The following KCNMA1 variants were observed in gnomAD, a reference collection of about 807,000 sequenced individuals.
KCNMA1 encodes the protein Calcium-activated potassium channel subunit alpha-1.
Under a neutral mutation model 140.0 loss-of-function variants are expected in KCNMA1, and 29 were observed. The ratio of observed to expected loss-of-function variants is 0.21; its 90% CI spans 0.15 to 0.28. The LOEUF is 0.28. KCNMA1 is among the 10% of genes least tolerant of loss of function. The probability of loss-of-function intolerance (pLI) is 1.00; values close to 1 mark genes in which losing one functional copy is unlikely to be tolerated. For missense variants in KCNMA1, 880 were observed against 1,602.2 expected (o/e 0.55, Z 7.70); for synonymous variants, 612 against 611.9 (o/e 1.00, Z 0.00).
In KCNMA1 at chr10:77,614,628, T is replaced by C. The variant is rs534846580; in HGVS notation, c.378+22637A>G. Among the ~76,000 whole-genome samples the C allele has an allele frequency of 1.2e-4, 18 of 152,242 alleles. No individual in the cohort carries two copies. The South Asian group carries it at 3.3e-3, about 28-fold the overall frequency. On this transcript the variant is annotated intron_variant, in intron 1 of 27. Transcript: ENST00000286628. ...GTGCTAGGTGGAACTTTCTCTGTGG[T>C]CTTCACCCTACATGTAATGGAAACT... is the stretch of plus-strand genomic sequence containing the variant.
intron 2 of KCNMA1, among the ~76,000 whole-genome samples, chr10:77,269,146 T>C (rs1040193228): frequency 6.6e-6 from 1 of 152,208 alleles, no homozygotes; most frequent in African/African-American, 2.4e-5. Flanking sequence ...CCCCGAAAAG[T>C]ATTCTCTATC....
intron 25 of KCNMA1, among the ~76,000 whole-genome samples, chr10:76,899,697 T>C (rs143995924): frequency 7.8e-4 from 118 of 152,232 alleles, no homozygotes; most frequent in Non-Finnish European, 1.3e-3. Flanking sequence ...AAGGAAAGCA[T>C]TGCATACCAC....
intron 19 of KCNMA1, among the ~76,000 whole-genome samples, chr10:76,974,823 T>G (rs1334997381): frequency 6.6e-6 from 1 of 152,184 alleles, no homozygotes; most frequent in Non-Finnish European, 1.5e-5. Context: ...CTTCTTGGTA[T>G]AATTTCCAAA....
At chr10:76,872,456 T>C (rs1397742307), downstream of KCNMA1, 1 of 152,258 alleles carries the variant, frequency 6.6e-6, no homozygotes, top group Non-Finnish European at 1.5e-5. Flanking sequence ...CCCATCACTC[T>C]TTGCTTAAAA....
intron 19 of KCNMA1, chr10:76,995,437 T>A: frequency 2.5e-6 from 1 of 393,106 alleles, no homozygotes; most frequent in Middle Eastern, 4.0e-4. Flanking sequence ...GACTTGACAT[T>A]TGCTCCAAGC....
intron 1 of KCNMA1, among the ~76,000 whole-genome samples, chr10:77,513,805 G>A (rs2154548966): frequency 6.6e-6 from 1 of 152,368 alleles, no homozygotes; most frequent in Non-Finnish European, 1.5e-5. Flanking sequence ...ACAGGCAGCA[G>A]CAGTTTTCCT....
intron 3 of KCNMA1, among the ~76,000 whole-genome samples, chr10:77,217,020 C>G (rs990349388): frequency 3.3e-5 from 5 of 152,066 alleles, no homozygotes; most frequent in Admixed American, 6.6e-5. Context: ...AATTTTTGGC[C>G]AGGTGCAATC....
intron 2 of KCNMA1, among the ~76,000 whole-genome samples, chr10:77,322,952 G>T (rs2082788438): frequency 6.6e-6 from 1 of 152,154 alleles, no homozygotes; most frequent in Non-Finnish European, 1.5e-5. Context: ...CATTTTGAAA[G>T]AATTTACCCC....
At chr10:77,311,392 C>T (rs2079243109) in intron 2 of KCNMA1, among the ~76,000 whole-genome samples, 1 of 152,052 alleles carries the variant, frequency 6.6e-6, no homozygotes, top group Non-Finnish European at 1.5e-5. Flanking sequence ...ACAGATGCTC[C>T]CTCCTCCCTG....
At chr10:77,279,886 T>C (rs1203557292) in intron 2 of KCNMA1, among the ~76,000 whole-genome samples, 3 of 152,242 alleles carry the variant, frequency 2.0e-5, no homozygotes, top group African/African-American at 7.2e-5. Flanking sequence ...CTGTCATGAT[T>C]GTGAGGCCTC....
At chr10:77,014,168 C>T (rs1350313081) in intron 17 of KCNMA1, among the ~76,000 whole-genome samples, 2 of 152,132 alleles carry the variant, frequency 1.3e-5, no homozygotes, top group Admixed American at 1.3e-4. Context: ...GCGGCTGACG[C>T]CTGTAATCCA....
chr10:77,086,473 C>T lies in KCNMA1; in HGVS notation c.1440+15G>A. 6.3e-7 allele frequency: 1 copy of T among 1,576,728 alleles called. No individual in the cohort carries two copies. The highest frequency in any genetic ancestry group is 8.7e-7 in the Non-Finnish European group (1 of 1,145,770). ...CAAGATGGAATAAAAGCAGAAGTCA[C>T]CTCTTCCTCCTTACCTTGACTCTTG... On this transcript the variant is annotated intron_variant, in intron 11 of 27. Coordinates refer to ENST00000286628, the MANE Select transcript of KCNMA1 (RefSeq NM_001161352.2).
chr10:77,331,858 C>T (rs2086563928), intron 2 of KCNMA1, among the ~76,000 whole-genome samples: 1 of 152,060 alleles, frequency 6.6e-6, no homozygotes, highest in African/African-American at 2.4e-5. Context: ...TGTCCCCTGT[C>T]CCAAATTGCC....
intron 1 of KCNMA1, among the ~76,000 whole-genome samples, chr10:77,481,512 C>T (rs905811400): frequency 1.3e-5 from 2 of 151,764 alleles, no homozygotes; most frequent in African/African-American, 2.4e-5. Flanking sequence ...CGATGGCTCA[C>T]GCCTATAATC....
chr10:77,254,521 C>A (rs1478008143), intron 2 of KCNMA1, among the ~76,000 whole-genome samples: 1 of 152,118 alleles, frequency 6.6e-6, no homozygotes, highest in Non-Finnish European at 1.5e-5. Flanking sequence ...CTGCACCTGG[C>A]AAAATATACT....
intron 23 of KCNMA1, among the ~76,000 whole-genome samples, chr10:76,933,594 C>T (rs143186816): frequency 6.6e-6 from 1 of 152,146 alleles, no homozygotes; most frequent in Admixed American, 6.5e-5. Context: ...CTGTCGGAAC[C>T]TTTATTTATA....
intron 1 of KCNMA1, among the ~76,000 whole-genome samples, chr10:77,551,661 T>C (rs2062879710): frequency 6.6e-6 from 1 of 152,162 alleles, no homozygotes; most frequent in African/African-American, 2.4e-5. Flanking sequence ...ATGAGCACAA[T>C]GATGCTTCAA....
rs1227344763 is a variant in KCNMA1, at chr10:76,884,979, A to T, written c.*2287T>A. ...GTGGCTAGGTCATGCAGAACCATTA[A>T]TTGTCATACCTTGGCCCATTCTATT... is the stretch of plus-strand genomic sequence containing the variant. On this transcript the variant is annotated 3_prime_UTR_variant, in exon 28 of 28. Transcript: ENST00000286628. The T allele has an allele frequency of 1.9e-6, 3 of 1,548,422 alleles. No individual in the cohort carries two copies.
chr10:77,265,917 T>TA (rs2063299332), intron 2 of KCNMA1, among the ~76,000 whole-genome samples: 2 of 151,868 alleles, frequency 1.3e-5, no homozygotes, highest in Admixed American at 1.3e-4. Flanking sequence ...CCCATTTCTA[T>TA]AAAAAATACA....
Sources: gnomAD v4.1 joint callset for allele counts (sites outside exome capture counted in the v4.1 genomes callset) on GRCh38, gnomAD v4.1.1 for gene constraint, MANE v1.5 for transcripts, NCBI Gene and HGNC (gene_info 2026-07-23, HGNC 2026-07-21) for gene names.